Variants in R3HDM1 observed in about 807,000 individuals in gnomAD.
R3HDM1 encodes the protein R3H domain-containing protein 1.
A neutral mutation model predicts 141.1 loss-of-function variants in R3HDM1; 46 were observed. That is an observed-to-expected ratio of 0.33 (90% CI 0.26 to 0.42). The LOEUF is 0.42. Among genes scored for constraint, R3HDM1 ranks in the 10% least tolerant of loss-of-function variants. R3HDM1 has a pLI of 1.00. For synonymous variants in R3HDM1, 435 were observed against 472.9 expected, an observed-to-expected ratio of 0.92 and a Z score of 1.04; for missense variants, 1,184 against 1,368.3, an observed-to-expected ratio of 0.87 and a Z score of 2.12.
chr2:135,722,416 G>A, intron 25 of R3HDM1, 53 bp from the exon 26 acceptor site: 4 of 1,576,460 alleles, frequency 2.5e-6, no homozygotes, highest in Non-Finnish European at 3.5e-6. Flanking sequence ...AACATCCAAA[G>A]TGTGTTTTTC....
chr2:135,682,350 T>C (rs1005583162), intron 21 of R3HDM1, among the ~76,000 whole-genome samples: 1 of 152,098 alleles, frequency 6.6e-6, no homozygotes, highest in Non-Finnish European at 1.5e-5. Flanking sequence ...TGGCTTAGGC[T>C]TTCACAATTT....
intron 3 of R3HDM1, among the ~76,000 whole-genome samples, chr2:135,613,510 G>A (rs74914926): frequency 0.015 from 2,294 of 152,204 alleles, 50 homozygotes; most frequent in African/African-American, 0.051. Flanking sequence ...TTGGCTTGGA[G>A]CTTAGTTAAC....
intron 1 of R3HDM1, among the ~76,000 whole-genome samples, chr2:135,593,380 T>G (rs1322029838): frequency 6.6e-6 from 1 of 152,200 alleles, no homozygotes; most frequent in African/African-American, 2.4e-5. Flanking sequence ...CATTTTACCC[T>G]CACTAGCACT....
chr2:135,655,269 A>G (rs955071153), intron 18 of R3HDM1, among the ~76,000 whole-genome samples: 1 of 152,138 alleles, frequency 6.6e-6, no homozygotes, highest in Non-Finnish European at 1.5e-5. Context: ...TTATTTGTTG[A>G]AGATACTTTT....
chr2:135,574,440 T>A (rs1704898051), intron 1 of R3HDM1, among the ~76,000 whole-genome samples: 1 of 152,236 alleles, frequency 6.6e-6, no homozygotes, highest in Non-Finnish European at 1.5e-5. Flanking sequence ...GTTCCACTGC[T>A]GCATAAATTG....
intron 1 of R3HDM1, chr2:135,597,314 A>G (rs775034940): frequency 7.6e-5 from 72 of 952,318 alleles, no homozygotes; most frequent in Non-Finnish European, 8.9e-5. Flanking sequence ...CATTAAAGCT[A>G]TAGTGCCTTC....
chr2:135,699,093 AGATAGATAGATT>A (rs1483668481), intron 21 of R3HDM1, among the ~76,000 whole-genome samples: 3 of 151,622 alleles, frequency 2.0e-5, no homozygotes, highest in African/African-American at 7.3e-5. Flanking sequence ...ATAGATAGAT[AGATAGATAGATT>A]AGATATTCCA....
intron 1 of R3HDM1, chr2:135,536,536 T>A: frequency 1.1e-6 from 1 of 929,144 alleles, no homozygotes; most frequent in Non-Finnish European, 1.3e-6. Flanking sequence ...CAACTTCATC[T>A]GCAAAAGAAA....
At chr2:135,723,806 GAT>G in intron 26 of R3HDM1, 129 bp from the exon 27 acceptor site, 1 of 186,536 alleles carries the variant, frequency 5.4e-6, no homozygotes, top group South Asian at 8.1e-5. Context: ...AAAAAAAAAA[GAT>G]GGCCCTAACA....
At chr2:135,621,238 C>A (rs564255075) in intron 5 of R3HDM1, among the ~76,000 whole-genome samples, 2 of 151,936 alleles carry the variant, frequency 1.3e-5, no homozygotes, top group Non-Finnish European at 2.9e-5. Context: ...TAATAGAAAA[C>A]ATTTATTTTC....
At chr2:135,609,660 G>T (rs180711975) in intron 3 of R3HDM1, among the ~76,000 whole-genome samples, 2 of 152,288 alleles carry the variant, frequency 1.3e-5, no homozygotes, top group East Asian at 3.9e-4. Flanking sequence ...GGATGGTGGG[G>T]AGTATTTGCT....
intron 21 of R3HDM1, among the ~76,000 whole-genome samples, chr2:135,702,709 C>T (rs886994179): frequency 3.3e-5 from 5 of 150,412 alleles, no homozygotes; most frequent in Non-Finnish European, 5.9e-5. Context: ...CCCAGCTACT[C>T]GGGAGGCTGA....
intron 1 of R3HDM1, among the ~76,000 whole-genome samples, chr2:135,595,460 C>A (rs1710433216): frequency 6.6e-6 from 1 of 152,234 alleles, no homozygotes; most frequent in African/African-American, 2.4e-5. Flanking sequence ...TAACTCTACC[C>A]CTTACTAGTC....
chr2:135,584,502 C>A (rs1707448631), intron 1 of R3HDM1, among the ~76,000 whole-genome samples: 2 of 152,130 alleles, frequency 1.3e-5, no homozygotes, highest in South Asian at 2.1e-4. Flanking sequence ...CCAACTCATA[C>A]AATTACCAGT....
intron 19 of R3HDM1, among the ~76,000 whole-genome samples, chr2:135,662,493 G>A (rs2066860990): frequency 1.3e-5 from 2 of 152,158 alleles, no homozygotes; most frequent in South Asian, 4.1e-4. Flanking sequence ...GTTACCCTTA[G>A]GAGTTGTCTC....
intron 14 of R3HDM1, 21 bp downstream of exon 14, chr2:135,639,143 CTG>C (rs1313649987): frequency 6.2e-7 from 1 of 1,604,690 alleles, no homozygotes. Flanking sequence ...CTACACAAAA[CTG>C]TGCAGTCAAG....
rs1351213345 is a variant in R3HDM1, at chr2:135,721,973, T to G, written c.2931T>G (p.Pro977=). ...LLGQPLQYNP[P]AVLHGHIPNQ... ...GCCAGCCACTGCAGTACAATCCTCC[T>G]GCTGTTCTGCACGGACACATTCCAA... The change falls in exon 25 of 27, where the codon CCT becomes CCG. Residue 977 remains proline (P), a synonymous_variant. Coordinates refer to ENST00000683871, the MANE Select transcript of R3HDM1 (RefSeq NM_001378107.1). The G allele has an allele frequency of 6.2e-7, 1 of 1,613,790 alleles. No individual in the cohort carries two copies. Among genetic ancestry groups the G allele is most frequent in the Non-Finnish European group, 8.5e-7 (1 of 1,179,794 alleles).
intron 21 of R3HDM1, among the ~76,000 whole-genome samples, chr2:135,700,598 C>T (rs1478469532): frequency 2.6e-5 from 4 of 152,140 alleles, no homozygotes; most frequent in Non-Finnish European, 5.9e-5. Flanking sequence ...TCAAAGACAT[C>T]GCTTCTAGTA....
chr2:135,587,820 CCT>C (rs1008944590), intron 1 of R3HDM1, among the ~76,000 whole-genome samples: 6 of 151,972 alleles, frequency 3.9e-5, no homozygotes, highest in Admixed American at 2.0e-4. Flanking sequence ...TCTTGCCCTC[CCT>C]CTCTTTTTCT....
Sources: allele counts gnomAD v4.1 joint callset (sites outside exome capture counted in the v4.1 genomes callset), GRCh38; gene constraint gnomAD v4.1.1; transcripts MANE v1.5; gene names NCBI Gene and HGNC (gene_info 2026-07-23, HGNC 2026-07-21).